RPGRIP1L: variants seen among roughly 807,000 people sequenced by gnomAD.
RPGRIP1L encodes protein fantom.
Under a neutral mutation model 160.4 loss-of-function variants are expected in RPGRIP1L, and 131 were observed. That is an observed-to-expected ratio of 0.82 (90% confidence interval 0.71 to 0.94). The LOEUF (loss-of-function observed/expected upper bound fraction) is 0.94. Ranked by LOEUF, RPGRIP1L falls within the 40% of genes least tolerant of loss-of-function variation. RPGRIP1L has a pLI of 0.00. For synonymous variants in RPGRIP1L, 510 were observed against 515.8 expected, an observed-to-expected ratio of 0.99 and a Z score of 0.15; for missense variants, 1,522 against 1,535.8, an observed-to-expected ratio of 0.99 and a Z score of 0.15.
Position 53,645,928 on chromosome 16 carries a change from T to C in RPGRIP1L, c.2380A>G (p.Ile794Val), listed in dbSNP as rs781443815. The C allele has an allele frequency of 6.2e-6, 10 of 1,614,134 alleles. No individual in the cohort carries two copies. Among genetic ancestry groups the C allele is most frequent in the East Asian group, 4.5e-5 (2 of 44,878 alleles). ...AGGTGGTTGCAACATCTTATTGTAA[T>C]GTGAAGTTCATTTAAGTTGCCATCT... ...STDGNLNELH[I>V]TIRCCNHLQS... Residue 794 changes from isoleucine to valine, a missense_variant, in exon 17 of 27, where the codon ATT becomes GTT. Coordinates refer to ENST00000647211, the MANE Select transcript of RPGRIP1L (RefSeq NM_015272.5).
intron 5 of RPGRIP1L, among the ~76,000 whole-genome samples, chr16:53,687,343 TAGAAA>T (rs1295889943): frequency 8.5e-5 from 13 of 152,146 alleles, no homozygotes; most frequent in Admixed American, 8.5e-4. Context: ...TTGGATTAAC[TAGAAA>T]AGTAAGCTAA....
intron 9 of RPGRIP1L, among the ~76,000 whole-genome samples, chr16:53,667,391 A>G (rs748092388): frequency 4.6e-5 from 7 of 152,224 alleles, no homozygotes; most frequent in Non-Finnish European, 1.0e-4. Context: ...TCAATGTTCA[A>G]GGGCATCCTA....
chr16:53,658,981 T>C, intron 10 of RPGRIP1L, 103 bp from the exon 11 acceptor site: 1 of 834,532 alleles, frequency 1.2e-6, no homozygotes, highest in Non-Finnish European at 2.0e-6. Flanking sequence ...CTTGATCTAG[T>C]ATTGTTCTGG....
chr16:53,684,719 T>C (rs1598397848), intron 6 of RPGRIP1L, among the ~76,000 whole-genome samples: 1 of 151,014 alleles, frequency 6.6e-6, no homozygotes, highest in African/African-American at 2.4e-5. Context: ...TGTGCACATG[T>C]ACCCTAAAAC....
chr16:53,698,315 G>A (rs1971008355), intron 2 of RPGRIP1L, among the ~76,000 whole-genome samples: 2 of 145,870 alleles, frequency 1.4e-5, no homozygotes, highest in African/African-American at 5.2e-5. Context: ...CCGGGAGGGA[G>A]GTGGGGGGGT....
chr16:53,637,456 A>G (rs1965911869), intron 21 of RPGRIP1L, among the ~76,000 whole-genome samples: 2 of 152,220 alleles, frequency 1.3e-5, no homozygotes, highest in Non-Finnish European at 2.9e-5. Flanking sequence ...AATTGGGAAC[A>G]TGGTCAGCAA....
chr16:53,636,622 G>T lies in RPGRIP1L; in HGVS notation c.3221-110C>A, dbSNP rs1965852163. 1.5e-5 allele frequency: 11 copies of T among 711,166 alleles called. No individual in the cohort carries two copies. In the South Asian group the frequency reaches 1.6e-4, roughly 10 times the overall value. The allele number at this position is 711,166 out of a possible 1,614,324, so 44.1% of individuals were successfully genotyped here. A position where few individuals can be genotyped will look rare whatever the true frequency, so the allele number is the denominator to read the frequency against. On this transcript the variant is annotated intron_variant, in intron 21 of 26. Coordinates refer to ENST00000647211, the MANE Select transcript of RPGRIP1L (RefSeq NM_015272.5). The stretch of plus-strand genomic sequence containing the variant: ...ACCATAAGATAACCTTAAGAAACAT[G>T]GTAATTATACCTAGATCTTTTTTAG...
At chr16:53,668,066 C>CTT (rs71144002) in intron 9 of RPGRIP1L, among the ~76,000 whole-genome samples, 9 of 144,112 alleles carry the variant, frequency 6.2e-5, no homozygotes, top group East Asian at 2.0e-4. Context: ...TCTCTGTCTC[C>CTT]TTTTTTTTTT....
intron 22 of RPGRIP1L, among the ~76,000 whole-genome samples, chr16:53,625,411 G>A (rs1488491365): frequency 3.4e-5 from 5 of 147,794 alleles, no homozygotes; most frequent in Admixed American, 6.7e-5. Context: ...TCAGCCTGGC[G>A]GCCGCCCCGT....
Position 53,619,161 on chromosome 16 carries a change from A to T in RPGRIP1L, c.3480T>A (p.Asp1160Glu). The T allele has an allele frequency of 1.2e-6, 2 of 1,614,036 alleles. No individual in the cohort carries two copies. Among genetic ancestry groups the T allele is most frequent in the Non-Finnish European group, 1.7e-6 (2 of 1,180,032 alleles). Reference sequence around the variant, plus strand: ...TAGTGTCATCCATGGTTACTTGAGAATCATTAAGGCTTAGAGCTATGATCT... The same window carrying T: ...TAGTGTCATCCATGGTTACTTGAGATTCATTAAGGCTTAGAGCTATGATCT... ...RIEIIALSLN[D>E]SQVTMDDTIQ... Residue 1160 changes from aspartate to glutamate, a missense_variant, in exon 24 of 27, where the codon GAT (aspartate) becomes GAA (glutamate). By Grantham distance (45) the Asp-to-Glu change is conservative. Coordinates refer to ENST00000647211, the MANE Select transcript of RPGRIP1L (RefSeq NM_015272.5).
At chr16:53,604,042 G>C (rs1963525950) in intron 26 of RPGRIP1L, among the ~76,000 whole-genome samples, 1 of 152,136 alleles carries the variant, frequency 6.6e-6, no homozygotes, top group African/African-American at 2.4e-5. Context: ...ATAAAGCAAA[G>C]ATAATTTTGG....
In RPGRIP1L at chr16:53,652,887, T is replaced by C; in HGVS notation, c.1800A>G (p.Leu600=). 1.2e-6 allele frequency: 2 copies of C among 1,612,850 alleles called. No homozygotes were observed. The highest frequency in any genetic ancestry group is 2.2e-5 in the South Asian group (2 of 90,680). Residue 600 remains leucine (L), a synonymous_variant, in exon 15 of 27, where the codon TTA becomes TTG. Transcript: ENST00000647211. ...TTTCAAATAGATTTTCGCCTCGTTC[T>C]AAGTGGATGGTTTCATCAAATTCAT... ...SVDEFDETIH[L]ERGENLFEIH...
intron 24 of RPGRIP1L, among the ~76,000 whole-genome samples, chr16:53,612,225 C>T (rs1964093446): frequency 6.6e-6 from 1 of 152,110 alleles, no homozygotes; most frequent in Admixed American, 6.5e-5. Context: ...GACATAATAA[C>T]CAAGTTAATA....
chr16:53,660,526 T>C (rs1967684230), intron 10 of RPGRIP1L, among the ~76,000 whole-genome samples: 1 of 151,884 alleles, frequency 6.6e-6, no homozygotes, highest in East Asian at 1.9e-4. Flanking sequence ...TAATGTCATA[T>C]AATTCTTGGC....
At chr16:53,638,099 AG>A (rs1360223485) in intron 20 of RPGRIP1L, among the ~76,000 whole-genome samples, 1 of 152,136 alleles carries the variant, frequency 6.6e-6, no homozygotes, top group East Asian at 1.9e-4. Flanking sequence ...TTTTACATTA[AG>A]ACTTTAATTC....
At chr16:53,691,005 T>C (rs1023302446) in intron 4 of RPGRIP1L, among the ~76,000 whole-genome samples, 5 of 152,182 alleles carry the variant, frequency 3.3e-5, no homozygotes, top group African/African-American at 1.2e-4. Context: ...GAGGCCTTAT[T>C]GACTTCAAAG....
chr16:53,631,283 T>C (rs1271603743), intron 22 of RPGRIP1L, among the ~76,000 whole-genome samples: 1 of 152,246 alleles, frequency 6.6e-6, no homozygotes. Flanking sequence ...TCAGAGAACC[T>C]AGTTTCCAGG....
In RPGRIP1L at chr16:53,692,221, T is replaced by G. The variant is rs938661805; in HGVS notation, c.374A>C (p.Gln125Pro). ...LQEKVHELEK[Q>P]NETLKNRLIS... ...CAGTCTGTTTTTGAGGGTTTCATTT[T>G]GTTTTTCAAGCTCATGAACTTTCTC... Residue 125 changes from glutamine to proline, a missense_variant, in exon 4 of 27, where the codon CAA (glutamine) becomes CCA (proline). Transcript: ENST00000647211. 6.2e-7 allele frequency: 1 copy of G among 1,614,090 alleles called. No homozygotes were observed. The highest frequency in any genetic ancestry group is 1.3e-5 in the African/African-American group (1 of 74,930).
chr16:53,665,945 C>A (rs1459237521), intron 9 of RPGRIP1L, among the ~76,000 whole-genome samples: 1 of 152,104 alleles, frequency 6.6e-6, no homozygotes. Context: ...AAAAACTGAT[C>A]TTGATCTGAA....
Sources: allele counts gnomAD v4.1 joint callset (sites outside exome capture counted in the v4.1 genomes callset), GRCh38; gene constraint gnomAD v4.1.1; transcripts MANE v1.5; gene names NCBI Gene and HGNC (gene_info 2026-07-23, HGNC 2026-07-21).